The following UTP20 variants were observed in gnomAD, a reference collection of about 807,000 sequenced individuals.
UTP20 encodes the protein UTP20 small subunit processome component.
Under a neutral mutation model 329.5 loss-of-function variants are expected in UTP20, and 164 were observed. That is an observed-to-expected ratio of 0.50 (90% CI 0.44 to 0.57). The LOEUF is 0.57. Among genes scored for constraint, UTP20 ranks in the 20% least tolerant of loss-of-function variants. UTP20 has a pLI of 0.00. For synonymous variants in UTP20, 1,151 were observed against 1,159.3 expected (o/e 0.99, Z 0.14); for missense variants, 3,055 against 3,284.2 (o/e 0.93, Z 1.71).
chr12:101,318,655 A>G (rs941607690), intron 22 of UTP20, among the ~76,000 whole-genome samples: 2 of 151,936 alleles, frequency 1.3e-5, no homozygotes, highest in Admixed American at 6.6e-5. Flanking sequence ...ACATGGTAAA[A>G]CGCTGTCTCT....
At chr12:101,288,860 T>A in intron 5 of UTP20, 100 bp from the exon 6 acceptor site, 1 of 1,029,750 alleles carries the variant, frequency 9.7e-7, no homozygotes, top group South Asian at 1.4e-5. Flanking sequence ...TGTGTATTCC[T>A]TGCATACCCA....
chr12:101,327,304 T>A, intron 26 of UTP20, 57 bp downstream of exon 26: 1 of 1,427,930 alleles, frequency 7.0e-7, no homozygotes, highest in Non-Finnish European at 9.3e-7. Flanking sequence ...ACTTCTCACA[T>A]CTCAGGCTAC....
At chr12:101,346,325 C>A in intron 37 of UTP20, 126 bp from the exon 38 acceptor site, 1 of 1,147,140 alleles carries the variant, frequency 8.7e-7, no homozygotes, top group Non-Finnish European at 1.2e-6. Flanking sequence ...GCTAGGATTA[C>A]AGGCATGAGC....
At chr12:101,381,345 C>G (rs565682872) in intron 58 of UTP20, 134 bp downstream of exon 58, 1 of 704,244 alleles carries the variant, frequency 1.4e-6, no homozygotes, top group African/African-American at 1.8e-5. Context: ...TGAGCCTGGC[C>G]AACATGGCGA....
At chr12:101,289,452 T>C (rs966861302) in intron 6 of UTP20, among the ~76,000 whole-genome samples, 1 of 152,108 alleles carries the variant, frequency 6.6e-6, no homozygotes, top group African/African-American at 2.4e-5. Context: ...AGTAGATATC[T>C]TTTAAAAATG....
rs1163690623 is a variant in UTP20 at position 101,356,506 on chromosome 12, A to G, written c.5395-48A>G. ...TACAAAGTTGCAGTGTTGGTAGATC[A>G]CTGATCCATTTATTTTCATTTTAGC... On this transcript the variant is annotated intron_variant, in intron 41 of 61. Transcript: ENST00000261637. 4 of 1,508,946 alleles carry G rather than the reference A, an allele frequency of 2.7e-6. No individual in the cohort carries two copies. The Admixed American group carries it at 8.1e-5, about 31-fold the overall frequency. The allele number at this position is 1,508,946 out of a possible 1,614,324, so 93.5% of individuals were successfully genotyped here.
At position 101,292,032 on chromosome 12, in the gene UTP20, T is replaced by A. The variant is rs771777235; in HGVS notation, c.1101T>A (p.Asp367Glu). Residue 367 changes from aspartate to glutamate, a missense_variant, in exon 10 of 62, where the codon GAT becomes GAA. This residue lies in a region of UTP20 where 2,445 missense variants were observed against 2,575.5 expected (regional missense o/e 0.95). Coordinates refer to ENST00000261637, the MANE Select transcript of UTP20 (RefSeq NM_014503.3). ...LSTSCWETLL[D>E]VISALILGEN... The stretch of plus-strand genomic sequence containing the variant: ...CATCTTGCTGGGAGACCCTCTTGGA[T>A]GTAATTTCTGCTTTGATCCTGGGTG... 3.1e-6 allele frequency: 5 copies of A among 1,614,044 alleles called. No homozygotes were observed. The South Asian group carries it at 4.4e-5, about 14-fold the overall frequency.
intron 19 of UTP20, 86 bp from the exon 20 acceptor site, chr12:101,311,633 T>G: frequency 8.3e-7 from 1 of 1,200,556 alleles, no homozygotes; most frequent in Non-Finnish European, 1.2e-6. Flanking sequence ...TTTAGTTATA[T>G]CCTTTCACTC....
chr12:101,289,145 G>A (rs374813030), intron 6 of UTP20, 104 bp downstream of exon 6: 1 of 963,994 alleles, frequency 1.0e-6, no homozygotes, highest in African/African-American at 1.7e-5. Context: ...GGGAGGCCGA[G>A]GCAGGTGGAT....
At chr12:101,375,945 G>A (rs772198286) in intron 56 of UTP20, among the ~76,000 whole-genome samples, 189 bp downstream of exon 56, 37 of 152,036 alleles carry the variant, frequency 2.4e-4, no homozygotes, top group African/African-American at 6.5e-4. Context: ...AAAAAAAAAC[G>A]TATCTATGAT....
intron 2 of UTP20, among the ~76,000 whole-genome samples, chr12:101,282,903 T>G (rs1425907168): frequency 6.6e-6 from 1 of 152,202 alleles, no homozygotes; most frequent in African/African-American, 2.4e-5. Context: ...ATAGGACTTG[T>G]GACCTACTGG....
At position 101,292,051 on chromosome 12, in the gene UTP20, C is replaced by T. The variant is rs1872175737; in HGVS notation, c.1120C>T (p.Leu374=). 1 of 1,614,068 alleles carries T rather than the reference C, an allele frequency of 6.2e-7. No homozygotes were observed. Among genetic ancestry groups the T allele is most frequent in the Non-Finnish European group, 8.5e-7 (1 of 1,180,010 alleles). The change falls in exon 10 of 62, where the codon CTG becomes TTG. Residue 374 remains leucine, a synonymous_variant. Coordinates refer to ENST00000261637, the MANE Select transcript of UTP20 (RefSeq NM_014503.3). ...TLLDVISALI[L]GENVSLPETL... ...CTTGGATGTAATTTCTGCTTTGATC[C>T]TGGGTGAAAATGTTTCCTTGCCGGA...
intron 47 of UTP20, 48 bp from the exon 48 acceptor site, chr12:101,367,812 C>A: frequency 8.6e-7 from 1 of 1,166,972 alleles, no homozygotes; most frequent in Non-Finnish European, 1.3e-6. Context: ...CCTAACTCAT[C>A]TGGTCTAATG....
chr12:101,365,391 C>T, intron 45 of UTP20, 68 bp from the exon 46 acceptor site: 4 of 1,182,270 alleles, frequency 3.4e-6, no homozygotes, highest in Non-Finnish European at 3.5e-6. Flanking sequence ...TAAAAGAAAA[C>T]TGCCATTATG....
At chr12:101,310,666 T>C (rs1285946475) in intron 19 of UTP20, among the ~76,000 whole-genome samples, 1 of 151,612 alleles carries the variant, frequency 6.6e-6, no homozygotes, top group Non-Finnish European at 1.5e-5. Flanking sequence ...CACACTCACT[T>C]TTTTTATCAG....
chr12:101,284,561 T>C (rs967416063), intron 2 of UTP20, among the ~76,000 whole-genome samples: 1 of 152,140 alleles, frequency 6.6e-6, no homozygotes, highest in Non-Finnish European at 1.5e-5. Context: ...TACGAAGGCA[T>C]GTATCTTTTT....
At chr12:101,359,514 T>TATAC (rs1593448049) in intron 43 of UTP20, among the ~76,000 whole-genome samples, 1 of 151,826 alleles carries the variant, frequency 6.6e-6, no homozygotes, top group East Asian at 1.9e-4. Context: ...TATATATATA[T>TATAC]ATATAGCTCT....
At chr12:101,282,361 G>T (rs1871828431) in intron 2 of UTP20, among the ~76,000 whole-genome samples, 1 of 152,210 alleles carries the variant, frequency 6.6e-6, no homozygotes, top group African/African-American at 2.4e-5. Context: ...GCCTGTTCCA[G>T]GCTGAGGGAG....
rs1362013723 is a variant in UTP20 at position 101,343,025 on chromosome 12, A to G, written c.4381A>G (p.Lys1461Glu). ...TTTCCAGACCATCACCTCTTACATTAAAGAAATGCAAATTGTGGATGTTAA... is the reference window on the plus strand; with the variant it reads ...TTTCCAGACCATCACCTCTTACATTGAAGAAATGCAAATTGTGGATGTTAA... ...ETFQTITSYIKEMQIVDVNYL... is the reference protein window; with the variant it reads ...ETFQTITSYIEEMQIVDVNYL... Residue 1461 changes from lysine to glutamate, a missense_variant, in exon 35 of 62, where the codon AAA (lysine) becomes GAA (glutamate). Physicochemically the swap from Lys to Glu is moderately conservative, Grantham distance 56. Coordinates refer to ENST00000261637, the MANE Select transcript of UTP20 (RefSeq NM_014503.3). The G allele has an allele frequency of 3.7e-6, 6 of 1,613,338 alleles. No homozygotes were observed. The highest frequency in any genetic ancestry group is 5.1e-6 in the Non-Finnish European group (6 of 1,179,392).
Sources: gnomAD v4.1 joint callset for allele counts (sites outside exome capture counted in the v4.1 genomes callset) on GRCh38, gnomAD v4.1.1 for gene constraint, gnomAD v4.1.1 regional missense constraint, MANE v1.5 for transcripts, NCBI Gene and HGNC (gene_info 2026-07-23, HGNC 2026-07-21) for gene names.